HECW1: variants seen among roughly 807,000 people sequenced by gnomAD.
HECW1 encodes E3 ubiquitin-protein ligase HECW1.
HECW1 carries 61 observed loss-of-function variants against 182.3 expected under a neutral mutation model. The ratio of observed to expected loss-of-function variants is 0.33; its 90% CI spans 0.27 to 0.41. HECW1 has a LOEUF of 0.41. Among genes scored for constraint, HECW1 ranks in the 10% least tolerant of loss-of-function variants. HECW1 has a pLI of 1.00. For synonymous variants in HECW1, 859 were observed against 832.6 expected, an observed-to-expected ratio of 1.03 and a Z score of -0.55; for missense variants, 1,739 against 2,108.9, an observed-to-expected ratio of 0.82 and a Z score of 3.44.
At chr7:43,311,546 C>T in intron 3 of HECW1, 1 of 743,900 alleles carries the variant, frequency 1.3e-6, no homozygotes, top group South Asian at 1.4e-5. Flanking sequence ...GCAGGACACC[C>T]TGGTGCACTT....
chr7:43,324,180 T>C, intron 5 of HECW1, among the ~76,000 whole-genome samples: 1 of 152,204 alleles, frequency 6.6e-6, no homozygotes, highest in East Asian at 1.9e-4. Flanking sequence ...AATGTCCCAG[T>C]GTTTTGGGAA....
chr7:43,389,391 A>C (rs2074929378), intron 6 of HECW1, among the ~76,000 whole-genome samples: 1 of 152,196 alleles, frequency 6.6e-6, no homozygotes, highest in Admixed American at 6.5e-5. Context: ...ATGCATGCTA[A>C]AGTTGGAGAA....
chr7:43,198,408 C>T (rs1302219775), intron 2 of HECW1, among the ~76,000 whole-genome samples: 2 of 148,994 alleles, frequency 1.3e-5, no homozygotes, highest in African/African-American at 5.0e-5. Context: ...GTCACACACC[C>T]ATACTCTCTT....
intron 5 of HECW1, among the ~76,000 whole-genome samples, chr7:43,321,995 G>A (rs934424391): frequency 3.9e-5 from 6 of 152,152 alleles, no homozygotes; most frequent in African/African-American, 1.4e-4. Flanking sequence ...GGGTGTAGAG[G>A]GAACATGATT....
chr7:43,273,125 C>G (rs1802621537), intron 3 of HECW1, among the ~76,000 whole-genome samples: 1 of 152,056 alleles, frequency 6.6e-6, no homozygotes, highest in South Asian at 2.1e-4. Flanking sequence ...ACATTGGGTA[C>G]TCACAGACAT....
chr7:43,167,059 C>T (rs559238581), intron 2 of HECW1, among the ~76,000 whole-genome samples: 3 of 152,332 alleles, frequency 2.0e-5, no homozygotes, highest in Admixed American at 2.0e-4. Context: ...GATTCACTTC[C>T]CATTGCTATA....
chr7:43,419,093 A>G (rs956700407), intron 8 of HECW1, among the ~76,000 whole-genome samples: 1 of 152,130 alleles, frequency 6.6e-6, no homozygotes, highest in Non-Finnish European at 1.5e-5. Context: ...GCTTCTATAC[A>G]TCGTTTGGGG....
intron 8 of HECW1, among the ~76,000 whole-genome samples, chr7:43,411,375 A>G (rs1275660417): frequency 6.6e-6 from 1 of 152,124 alleles, no homozygotes; most frequent in East Asian, 1.9e-4. Flanking sequence ...ATTTAAATTT[A>G]TCAAGCCATG....
intron 13 of HECW1, 127 bp downstream of exon 13, chr7:43,456,574 A>G: frequency 2.3e-6 from 2 of 858,460 alleles, no homozygotes; most frequent in Non-Finnish European, 3.3e-6. Flanking sequence ...AAGTATCTTA[A>G]GAAACCTGTT....
intron 8 of HECW1, among the ~76,000 whole-genome samples, chr7:43,429,333 T>TATATATAC (rs2076468646): frequency 8.9e-6 from 1 of 112,988 alleles, no homozygotes; most frequent in African/African-American, 3.4e-5. Flanking sequence ...TATATATATA[T>TATATATAC]ATACATATAT....
intron 8 of HECW1, among the ~76,000 whole-genome samples, chr7:43,420,474 C>A (rs1045964773): frequency 6.6e-6 from 1 of 152,034 alleles, no homozygotes; most frequent in Non-Finnish European, 1.5e-5. Flanking sequence ...CTAGCCAGTG[C>A]AACAAGGTAA....
At position 43,563,249 on chromosome 7, in the gene HECW1, A is replaced by G. The variant is rs1219459365; in HGVS notation, c.*1323A>G. The G allele has an allele frequency of 4.8e-6, 1 of 208,820 alleles. No homozygotes were observed. Among genetic ancestry groups the G allele is most frequent in the African/African-American group, 2.3e-5 (1 of 43,956 alleles). 12.9% of individuals were successfully genotyped at this position (208,820 alleles called of 1,614,324 possible). A position where few individuals can be genotyped will look rare whatever the true frequency, so the allele number is the denominator to read the frequency against. On this transcript the variant is annotated 3_prime_UTR_variant, in exon 30 of 30. Coordinates refer to ENST00000395891, the MANE Select transcript of HECW1 (RefSeq NM_015052.5). ...TTAGCATTCAGTGAAAACATATCTC[A>G]GAAAACTTCATGTTGTCAGAAAAAC...
At chr7:43,499,487 GAAAGAAAGAAAACA>G (rs1157258519) in intron 19 of HECW1, among the ~76,000 whole-genome samples, 1 of 149,232 alleles carries the variant, frequency 6.7e-6, no homozygotes, top group Non-Finnish European at 1.5e-5. Flanking sequence ...AAGAAAGAAA[GAAAGAAAGAAAACA>G]AAAGAAAAGA....
chr7:43,490,816 G>C lies in HECW1; in HGVS notation c.3235-1259G>C, dbSNP rs143634617. Among the ~76,000 whole-genome samples the C allele has an allele frequency of 3.9e-3, 590 of 152,170 alleles. 8 individuals are homozygous for C. Among genetic ancestry groups the C allele is most frequent in the African/African-American group, 0.014 (562 of 41,512 alleles). ...TGTGTCGCCCAGGCTGGAGTGCAAT[G>C]GTGCAATCTCGGTTCACTGCAACCT... On this transcript the variant is annotated intron_variant, in intron 17 of 29. Coordinates refer to ENST00000395891, the MANE Select transcript of HECW1 (RefSeq NM_015052.5).
At chr7:43,390,977 T>C (rs1301333590) in intron 6 of HECW1, among the ~76,000 whole-genome samples, 2 of 152,124 alleles carry the variant, frequency 1.3e-5, no homozygotes, top group African/African-American at 4.8e-5. Flanking sequence ...ACAAGTTTTA[T>C]TGGGGGTCTG....
At chr7:43,266,192 C>T (rs1486589169) in intron 3 of HECW1, among the ~76,000 whole-genome samples, 1 of 152,142 alleles carries the variant, frequency 6.6e-6, no homozygotes, top group East Asian at 1.9e-4. Flanking sequence ...GTTGTTTCCT[C>T]TGTTGACAGC....
intron 4 of HECW1, among the ~76,000 whole-genome samples, chr7:43,316,875 T>C (rs1809384554): frequency 7.6e-6 from 1 of 131,954 alleles, no homozygotes; most frequent in African/African-American, 2.7e-5. Context: ...CAGAATCTGG[T>C]CCTCTAAATT....
intron 2 of HECW1, among the ~76,000 whole-genome samples, chr7:43,220,134 T>A (rs1263869239): frequency 6.6e-6 from 1 of 152,196 alleles, no homozygotes; most frequent in African/African-American, 2.4e-5. Context: ...CCCCTTAGGT[T>A]TTCTAATTTA....
rs565101146 is a variant in HECW1, at chr7:43,240,228, C to G, written c.-31-3647C>G. ...TGGTGGGCGCTTGTAGTCCTAGCTA[C>G]TCGGGAGGCTGAGGCAGGAGAATGG... is the stretch of plus-strand genomic sequence containing the variant. On this transcript the variant is annotated intron_variant, in intron 2 of 29. Transcript: ENST00000395891. Among the ~76,000 whole-genome samples, 10 of 152,176 alleles carry G rather than the reference C, an allele frequency of 6.6e-5. No individual in the cohort carries two copies. In the East Asian group the frequency reaches 1.7e-3, roughly 27 times the overall value.
Sources: gnomAD v4.1 joint callset for allele counts (sites outside exome capture counted in the v4.1 genomes callset) on GRCh38, gnomAD v4.1.1 for gene constraint, MANE v1.5 for transcripts, NCBI Gene and HGNC (gene_info 2026-07-23, HGNC 2026-07-21) for gene names.